The following TACC1 variants were observed in gnomAD, a reference collection of about 807,000 sequenced individuals.
The protein encoded by TACC1 is transforming acidic coiled-coil-containing protein 1.
A neutral mutation model predicts 84.4 loss-of-function variants in TACC1; 48 were observed. That is an observed-to-expected ratio of 0.57 (90% CI 0.45 to 0.72). The LOEUF is 0.72. Among genes scored for constraint, TACC1 ranks in the 30% least tolerant of loss-of-function variants. The probability of loss-of-function intolerance (pLI) is 0.00; values close to 1 mark genes in which losing one functional copy is unlikely to be tolerated. For missense variants in TACC1, 920 were observed against 973.0 expected (o/e 0.95, Z 0.72); for synonymous variants, 372 against 376.3 (o/e 0.99, Z 0.13).
At chr8:38,778,820 C>T (rs1815357904) in intron 3 of TACC1, among the ~76,000 whole-genome samples, 1 of 152,020 alleles carries the variant, frequency 6.6e-6, no homozygotes, top group Admixed American at 6.6e-5. Context: ...GAAGAAACCA[C>T]CCTAAAAGGA....
At position 38,768,915 on chromosome 8, in the gene TACC1, G is replaced by A. The variant is rs553267732; in HGVS notation, c.27-19789G>A. 4.7e-5 allele frequency among the ~76,000 whole-genome samples: 7 copies of A among 150,142 alleles called. No homozygotes were observed. In the South Asian group the frequency reaches 1.5e-3, roughly 32 times the overall value. Reference sequence around the variant, plus strand: ...GGGAGGTGTGTGTGTGACTGTGTGTGGTGTGTGTGACTATGTGTGTGGGGT... The same window carrying A: ...GGGAGGTGTGTGTGTGACTGTGTGTAGTGTGTGTGACTATGTGTGTGGGGT... On this transcript the variant is annotated intron_variant, in intron 3 of 14. Transcript: ENST00000518415.
At chr8:38,823,073 T>C (rs1588007687) in intron 3 of TACC1, among the ~76,000 whole-genome samples, 1 of 152,308 alleles carries the variant, frequency 6.6e-6, no homozygotes, top group East Asian at 1.9e-4. Context: ...CTTCTCAGCA[T>C]TGCTATGACT....
chr8:38,836,584 A>G (rs985169306), intron 7 of TACC1, among the ~76,000 whole-genome samples: 1 of 152,218 alleles, frequency 6.6e-6, no homozygotes, highest in Non-Finnish European at 1.5e-5. Flanking sequence ...TCCCATGTGT[A>G]ACTAAATCAG....
chr8:38,783,304 C>G (rs1426778987), upstream of TACC1, among the ~76,000 whole-genome samples: 5 of 151,936 alleles, frequency 3.3e-5, no homozygotes, highest in South Asian at 8.3e-4. Context: ...AAGAGTTGTT[C>G]ACCAGAGCAA....
intron 2 of TACC1, among the ~76,000 whole-genome samples, chr8:38,812,581 A>AT (rs1824471866): frequency 6.6e-6 from 1 of 152,134 alleles, no homozygotes; most frequent in Admixed American, 6.5e-5. Context: ...CACATGTTCC[A>AT]TTTTTACACT....
At chr8:38,847,166 A>G (rs933222413) in intron 12 of TACC1, among the ~76,000 whole-genome samples, 1 of 152,140 alleles carries the variant, frequency 6.6e-6, no homozygotes, top group Non-Finnish European at 1.5e-5. Context: ...TCATTGCTTT[A>G]GATCAGTGGT....
At chr8:38,784,381 C>T (rs1207107486), upstream of TACC1, among the ~76,000 whole-genome samples, 1 of 152,070 alleles carries the variant, frequency 6.6e-6, no homozygotes, top group Non-Finnish European at 1.5e-5. Context: ...GCCTGGCCAA[C>T]ATGATGAAAC....
At chr8:38,757,426 T>C in intron 3 of TACC1, 1 of 1,191,912 alleles carries the variant, frequency 8.4e-7, no homozygotes, top group Non-Finnish European at 1.1e-6. Flanking sequence ...CCCAGAGCCC[T>C]CTCCAAGGGC....
Position 38,788,570 on chromosome 8 carries a change from G to A in TACC1, c.162-134G>A, listed in dbSNP as rs903216634. ...GACCGCAGTTGCCTCCCGCAGGTCA[G>A]ACCCTGCTGAGGACCGGTTGGTTGT... On this transcript the variant is annotated intron_variant, in intron 1 of 12. Transcript: ENST00000317827. 1.2e-5 allele frequency: 8 copies of A among 677,846 alleles called. No individual in the cohort carries two copies. The East Asian group carries it at 2.2e-4, about 19-fold the overall frequency. The allele number at this position is 677,846 out of a possible 1,614,324, so 42.0% of individuals were successfully genotyped here. A position where few individuals can be genotyped will look rare whatever the true frequency, so the allele number is the denominator to read the frequency against.
intron 6 of TACC1, among the ~76,000 whole-genome samples, chr8:38,834,889 G>C (rs1829922693): frequency 6.6e-6 from 1 of 152,172 alleles, no homozygotes; most frequent in Non-Finnish European, 1.5e-5. Flanking sequence ...CCACATTTAA[G>C]ATTAAGATTA....
intron 3 of TACC1, among the ~76,000 whole-genome samples, chr8:38,758,781 T>C (rs1810649632): frequency 6.6e-6 from 1 of 150,838 alleles, no homozygotes; most frequent in African/African-American, 2.4e-5. Flanking sequence ...CCAAGAGCCA[T>C]TGAATTACTA....
rs763063897 is a variant in TACC1, at chr8:38,838,487, T to C, written c.1857T>C (p.Ile619=). The C allele has an allele frequency of 6.2e-7, 1 of 1,613,628 alleles. No homozygotes were observed. The highest frequency in any genetic ancestry group is 1.1e-5 in the South Asian group (1 of 91,052). The change falls in exon 8 of 13, where the codon ATT becomes ATC. Residue 619 remains isoleucine (I), a synonymous_variant. Coordinates refer to ENST00000317827, the MANE Select transcript of TACC1 (RefSeq NM_006283.3). ...TACTCTAGATAATTACTAAAGAGAT[T>C]GAAGCAAATGAATGGAAGAAGAAAT... ...LIREEIITKE[I]EANEWKKKYE...
intron 1 of TACC1, among the ~76,000 whole-genome samples, chr8:38,736,637 T>C (rs1806018347): frequency 6.6e-6 from 1 of 152,066 alleles, no homozygotes; most frequent in African/African-American, 2.4e-5. Context: ...AATAAGATAA[T>C]GATAACCTTT....
chr8:38,747,160 A>G (rs1808238919), intron 3 of TACC1, among the ~76,000 whole-genome samples: 1 of 152,228 alleles, frequency 6.6e-6, no homozygotes, highest in Non-Finnish European at 1.5e-5. Flanking sequence ...AGATACCACT[A>G]CACATCTACT....
At chr8:38,793,025 T>C (rs1180828309) in intron 2 of TACC1, among the ~76,000 whole-genome samples, 2 of 152,164 alleles carry the variant, frequency 1.3e-5, no homozygotes, top group African/African-American at 4.8e-5. Flanking sequence ...ATAGCCCCCC[T>C]TCCCCAAACA....
intron 7 of TACC1, among the ~76,000 whole-genome samples, chr8:38,837,884 T>C (rs1275044370): frequency 6.6e-6 from 1 of 152,226 alleles, no homozygotes; most frequent in Non-Finnish European, 1.5e-5. Flanking sequence ...ATCCCAAATA[T>C]GAGCCTAGGT....
At chr8:38,766,476 G>A (rs1812279390) in intron 3 of TACC1, among the ~76,000 whole-genome samples, 1 of 152,176 alleles carries the variant, frequency 6.6e-6, no homozygotes, top group African/African-American at 2.4e-5. Context: ...TACTCTGCAT[G>A]TTCTCATAAA....
intron 11 of TACC1, 103 bp from the exon 12 acceptor site, chr8:38,846,596 G>T: frequency 1.5e-6 from 2 of 1,377,222 alleles, no homozygotes; most frequent in East Asian, 2.5e-5. Context: ...ATTCTTTGAG[G>T]CCTGTGCCTC....
intron 2 of TACC1, among the ~76,000 whole-genome samples, chr8:38,818,839 G>A (rs1391672840): frequency 3.3e-5 from 5 of 150,226 alleles, no homozygotes; most frequent in African/African-American, 4.9e-5. Context: ...ATGCAGTGGC[G>A]CAATCTCGGC....
Sources: gnomAD v4.1 joint callset for allele counts (sites outside exome capture counted in the v4.1 genomes callset) on GRCh38, gnomAD v4.1.1 for gene constraint, MANE v1.5 for transcripts, NCBI Gene and HGNC (gene_info 2026-07-23, HGNC 2026-07-21) for gene names.